The following ZFAND3 variants were observed in gnomAD, a reference collection of about 807,000 sequenced individuals.
The protein encoded by ZFAND3 is AN1-type zinc finger protein 3.
In ZFAND3, 10 loss-of-function variants were observed where a neutral mutation model predicts 29.6. The ratio of observed to expected loss-of-function variants is 0.34; its 90% confidence interval spans 0.21 to 0.57. ZFAND3 has a LOEUF of 0.57. Among genes scored for constraint, ZFAND3 ranks in the 20% least tolerant of loss-of-function variants. ZFAND3 has a pLI of 0.86. For missense variants in ZFAND3, 230 were observed against 304.5 expected (o/e 0.76, Z 1.82); for synonymous variants, 128 against 112.6 (o/e 1.14, Z -0.87).
intron 2 of ZFAND3, among the ~76,000 whole-genome samples, chr6:38,004,452 C>T (rs1763007892): frequency 6.6e-6 from 1 of 150,738 alleles, no homozygotes; most frequent in Non-Finnish European, 1.5e-5. Context: ...CCCTCTCCCC[C>T]TTCCCCTCTC....
At chr6:37,820,098 G>T in intron 1 of ZFAND3, 82 bp downstream of exon 1, 1 of 1,133,554 alleles carries the variant, frequency 8.8e-7, no homozygotes, top group South Asian at 4.4e-5. Flanking sequence ...CTCGGGGCCC[G>T]GGAGGCCGGA....
At chr6:37,860,544 G>A (rs1420116180) in intron 1 of ZFAND3, among the ~76,000 whole-genome samples, 1 of 151,676 alleles carries the variant, frequency 6.6e-6, no homozygotes, top group African/African-American at 2.4e-5. Flanking sequence ...AGTTATAGGG[G>A]GTATCATTTT....
rs371905389 is a variant in ZFAND3, at chr6:38,142,724, C to T, written c.530-9511C>T. ...GAGGTGGAGGGGCCCGCCAGCAGTG[C>T]AGGTGCCTCCTTAGGGGTTTTTGGA... On this transcript the variant is annotated intron_variant, in intron 5 of 5. Transcript: ENST00000287218. 8.3e-4 allele frequency among the ~76,000 whole-genome samples: 127 copies of T among 152,304 alleles called. 4 individuals carry two copies. In the South Asian group the frequency reaches 0.025, roughly 30 times the overall value.
At chr6:38,071,315 T>A in intron 3 of ZFAND3, among the ~76,000 whole-genome samples, 1 of 152,224 alleles carries the variant, frequency 6.6e-6, no homozygotes, top group East Asian at 1.9e-4. Context: ...AAAATATTTT[T>A]CTATGTACAT....
chr6:37,874,802 T>C (rs980225498), intron 1 of ZFAND3, among the ~76,000 whole-genome samples: 2 of 152,134 alleles, frequency 1.3e-5, no homozygotes, highest in Non-Finnish European at 2.9e-5. Flanking sequence ...TCTCAAACTC[T>C]GGACTCAAGC....
chr6:37,964,207 T>C (rs536653472), intron 2 of ZFAND3, among the ~76,000 whole-genome samples: 5 of 152,324 alleles, frequency 3.3e-5, no homozygotes, highest in African/African-American at 9.6e-5. Context: ...AAAAGAGATA[T>C]GAACTTTGAT....
At chr6:38,149,428 A>AC (rs1766177391) in intron 5 of ZFAND3, among the ~76,000 whole-genome samples, 2 of 151,620 alleles carry the variant, frequency 1.3e-5, no homozygotes, top group African/African-American at 4.9e-5. Context: ...AAAAAAAAAA[A>AC]ACCTAAGCCA....
rs1561907077 is a variant in ZFAND3, at chr6:37,840,590, A to AGCTTGT, written c.71+20574_71+20575insGCTTGT. ...ATCAGCTTGTCAGCTTGTCAGCTTG[A>AGCTTGT]TCAGCTTGTCAGCTTCTGCAAAAAA... On this transcript the variant is annotated intron_variant, in intron 1 of 5. Coordinates refer to ENST00000287218, the MANE Select transcript of ZFAND3 (RefSeq NM_021943.3). Among the ~76,000 whole-genome samples, 7 of 152,114 alleles carry AGCTTGT rather than the reference A, an allele frequency of 4.6e-5. No individual in the cohort carries two copies. The East Asian group carries it at 1.4e-3, about 29-fold the overall frequency.
intron 2 of ZFAND3, among the ~76,000 whole-genome samples, chr6:38,030,829 A>T (rs1763545694): frequency 6.6e-6 from 1 of 152,220 alleles, no homozygotes; most frequent in Non-Finnish European, 1.5e-5. Context: ...AAAGTGGTAG[A>T]AGGAATGGAG....
chr6:38,011,956 T>C (rs1372423721), intron 2 of ZFAND3, among the ~76,000 whole-genome samples: 1 of 152,182 alleles, frequency 6.6e-6, no homozygotes, highest in Non-Finnish European at 1.5e-5. Context: ...AATATGAAAG[T>C]TCAAAATATA....
chr6:38,066,616 T>C (rs1365465167), intron 3 of ZFAND3, among the ~76,000 whole-genome samples: 1 of 152,084 alleles, frequency 6.6e-6, no homozygotes, highest in Non-Finnish European at 1.5e-5. Context: ...TTGTGGAAGG[T>C]TTTATTATTT....
intron 1 of ZFAND3, among the ~76,000 whole-genome samples, chr6:37,862,662 C>T (rs866433985): frequency 6.6e-6 from 1 of 151,742 alleles, no homozygotes; most frequent in African/African-American, 2.4e-5. Flanking sequence ...TGTGATCGTG[C>T]CACAACACTC....
At chr6:37,916,363 A>G (rs1186586696) in intron 1 of ZFAND3, among the ~76,000 whole-genome samples, 2 of 152,128 alleles carry the variant, frequency 1.3e-5, no homozygotes, top group African/African-American at 4.8e-5. Context: ...GTAGTGCTAT[A>G]AAACCAGGTA....
At chr6:37,920,350 T>C (rs1210497395) in intron 1 of ZFAND3, among the ~76,000 whole-genome samples, 1 of 151,960 alleles carries the variant, frequency 6.6e-6, no homozygotes, top group Non-Finnish European at 1.5e-5. Flanking sequence ...CTTTCATTCA[T>C]ATATTTTAAT....
intron 1 of ZFAND3, among the ~76,000 whole-genome samples, chr6:37,823,170 TC>T (rs982790242): frequency 6.6e-6 from 1 of 152,172 alleles, no homozygotes; most frequent in African/African-American, 2.4e-5. Flanking sequence ...CGTTGCCAAG[TC>T]CAGATTTGCC....
rs1292082239 is a variant in ZFAND3, at chr6:38,049,961, TTTTTTTTGG to T, written c.113-11631_113-11623del. On this transcript the variant is annotated intron_variant, in intron 2 of 5. Transcript: ENST00000287218. ...AGGCAATTAATTTTTTTTTTTTTTT[TTTTTTTTGG>T]GGGAGACAGAGTCTCTCTCTGTCTC... 0.011 allele frequency among the ~76,000 whole-genome samples: 280 copies of T among 25,002 alleles called. 4 individuals carry two copies. In the East Asian group the frequency reaches 0.16, roughly 15 times the overall value. 16.4% of individuals were successfully genotyped at this position (25,002 alleles called of 152,430 possible).
intron 2 of ZFAND3, among the ~76,000 whole-genome samples, chr6:37,942,162 A>G (rs1761822230): frequency 6.6e-6 from 1 of 152,178 alleles, no homozygotes. Flanking sequence ...TATGTTTTAA[A>G]TAAAACATGG....
chr6:38,005,515 A>G (rs916141632), intron 2 of ZFAND3, among the ~76,000 whole-genome samples: 1 of 152,186 alleles, frequency 6.6e-6, no homozygotes, highest in Admixed American at 6.5e-5. Flanking sequence ...AATGTGGTAG[A>G]AGGAGCTCTT....
intron 1 of ZFAND3, among the ~76,000 whole-genome samples, chr6:37,907,149 A>T (rs1209137439): frequency 1.3e-5 from 2 of 152,070 alleles, no homozygotes; most frequent in Non-Finnish European, 2.9e-5. Context: ...CTAACAAATT[A>T]TCAGATTTAT....
Sources: allele counts gnomAD v4.1 joint callset (sites outside exome capture counted in the v4.1 genomes callset), GRCh38; gene constraint gnomAD v4.1.1; transcripts MANE v1.5; gene names NCBI Gene and HGNC (gene_info 2026-07-23, HGNC 2026-07-21).